GPM6A: variants seen among roughly 807,000 people sequenced by gnomAD.
The protein encoded by GPM6A is glycoprotein M6A, also known as neuronal membrane glycoprotein M6-a.
In GPM6A, 7 loss-of-function variants were observed where a neutral mutation model predicts 32.1. The observed-to-expected ratio is 0.22, with a 90% CI of 0.12 to 0.41. The LOEUF is 0.41. Among genes scored for constraint, GPM6A ranks in the 10% least tolerant of loss-of-function variants. GPM6A has a pLI of 1.00. For synonymous variants in GPM6A, 130 were observed against 123.4 expected, an observed-to-expected ratio of 1.05 and a Z score of -0.35; for missense variants, 235 against 347.2, an observed-to-expected ratio of 0.68 and a Z score of 2.57.
In GPM6A at chr4:175,859,719, G is replaced by C. The variant is rs1222669762; in HGVS notation, c.-22-47470C>G. 2.6e-5 allele frequency among the ~76,000 whole-genome samples: 4 copies of C among 151,990 alleles called. No homozygotes were observed. In the East Asian group the frequency reaches 7.7e-4, roughly 29 times the overall value. Reference sequence around the variant, plus strand: ...CCTGACACCAAGACAGATGTGACAAGAATACAGATGAAGTGCCCTGGGGTT... The same window carrying C: ...CCTGACACCAAGACAGATGTGACAACAATACAGATGAAGTGCCCTGGGGTT... On this transcript the variant is annotated intron_variant, in intron 1 of 7. Transcript: ENST00000280187.
intron 4 of GPM6A, chr4:175,641,546 A>C (rs1231946829): frequency 6.6e-6 from 1 of 152,256 alleles, no homozygotes; most frequent in African/African-American, 2.4e-5. Flanking sequence ...TCATCTGAGC[A>C]TGGCTCTTTA....
chr4:175,862,252 C>T (rs1032573472), intron 1 of GPM6A, among the ~76,000 whole-genome samples: 3 of 152,164 alleles, frequency 2.0e-5, no homozygotes, highest in African/African-American at 7.2e-5. Flanking sequence ...ATGTAAACAG[C>T]ACCCAGATTA....
At chr4:175,945,129 C>T (rs1261677064) in intron 1 of GPM6A, among the ~76,000 whole-genome samples, 2 of 151,880 alleles carry the variant, frequency 1.3e-5, no homozygotes, top group Admixed American at 6.6e-5. Context: ...AAGCCAAGTA[C>T]GTGAGTGTGA....
chr4:175,816,229 G>A, upstream of GPM6A, among the ~76,000 whole-genome samples: 1 of 152,084 alleles, frequency 6.6e-6, no homozygotes, highest in East Asian at 1.9e-4. Context: ...TAACTAGGTG[G>A]TTAAAAATAT....
At chr4:175,920,783 TG>T (rs1391452961) in intron 1 of GPM6A, among the ~76,000 whole-genome samples, 1 of 150,750 alleles carries the variant, frequency 6.6e-6, no homozygotes. Context: ...CGGGAGGCGG[TG>T]GTGGCTCACT....
chr4:175,840,536 T>G (rs1464667149), intron 1 of GPM6A, among the ~76,000 whole-genome samples: 1 of 152,048 alleles, frequency 6.6e-6, no homozygotes, highest in Non-Finnish European at 1.5e-5. Flanking sequence ...AAAAGTAGCC[T>G]TGTGGCGCAG....
chr4:175,871,968 A>G (rs1294821171), intron 1 of GPM6A, among the ~76,000 whole-genome samples: 1 of 152,212 alleles, frequency 6.6e-6, no homozygotes, highest in Non-Finnish European at 1.5e-5. Flanking sequence ...TCCAGAGAAA[A>G]TGTCTGACTC....
chr4:175,820,199 C>T (rs1454898532), intron 1 of GPM6A, among the ~76,000 whole-genome samples: 2 of 152,112 alleles, frequency 1.3e-5, no homozygotes, highest in Non-Finnish European at 2.9e-5. Flanking sequence ...ATTATTCCTT[C>T]TTATTTTCTT....
At chr4:175,701,022 G>T (rs915534377) in intron 2 of GPM6A, among the ~76,000 whole-genome samples, 1 of 152,040 alleles carries the variant, frequency 6.6e-6, no homozygotes, top group Non-Finnish European at 1.5e-5. Context: ...TGAGAGAAAA[G>T]TATAATTGGT....
intron 1 of GPM6A, among the ~76,000 whole-genome samples, chr4:175,809,119 T>A (rs1348098958): frequency 2.0e-5 from 3 of 152,188 alleles, no homozygotes; most frequent in South Asian, 2.1e-4. Flanking sequence ...TCACTCCTAA[T>A]TAGAAACCCA....
chr4:175,846,926 G>A (rs1410477619), intron 1 of GPM6A, among the ~76,000 whole-genome samples: 1 of 151,980 alleles, frequency 6.6e-6, no homozygotes, highest in Non-Finnish European at 1.5e-5. Context: ...TGTCTTACAT[G>A]GCCTCATTTT....
At chr4:175,752,586 A>G (rs1732379474) in intron 1 of GPM6A, among the ~76,000 whole-genome samples, 1 of 152,196 alleles carries the variant, frequency 6.6e-6, no homozygotes. Flanking sequence ...CTACAAGAAG[A>G]CATATTTCCA....
chr4:175,865,888 G>A (rs1228260510), intron 1 of GPM6A, among the ~76,000 whole-genome samples: 1 of 152,052 alleles, frequency 6.6e-6, no homozygotes, highest in Non-Finnish European at 1.5e-5. Flanking sequence ...GTGTGGAACT[G>A]GCGTTACATC....
intron 1 of GPM6A, among the ~76,000 whole-genome samples, chr4:175,722,079 G>A (rs1391486214): frequency 6.6e-6 from 1 of 152,010 alleles, no homozygotes; most frequent in Non-Finnish European, 1.5e-5. Flanking sequence ...TTGAGTCCAG[G>A]AGTTTGAGAC....
intron 6 of GPM6A, 130 bp downstream of exon 6, chr4:175,639,999 C>T (rs9312580): frequency 1.3e-6 from 1 of 793,394 alleles, no homozygotes; most frequent in African/African-American, 1.7e-5. Flanking sequence ...GTTTTCCCTA[C>T]TTTTTTTAAT....
At chr4:175,637,275 T>TATATATA (rs1740729649) in intron 6 of GPM6A, among the ~76,000 whole-genome samples, 1 of 53,272 alleles carries the variant, frequency 1.9e-5, no homozygotes, top group South Asian at 5.4e-4. Flanking sequence ...TATTATATAT[T>TATATATA]ATATATTATA....
At position 175,663,694 on chromosome 4, in the gene GPM6A, A is replaced by ATT. The variant is rs34558330; in HGVS notation, c.387+9984_387+9985dup. Among the ~76,000 whole-genome samples the ATT allele has an allele frequency of 6.2e-4, 87 of 141,410 alleles. 2 individuals are homozygous for ATT. The highest frequency in any genetic ancestry group is 2.8e-3 in the East Asian group (14 of 4,936). 92.8% of individuals were successfully genotyped at this position (141,410 alleles called of 152,430 possible). A position where few individuals can be genotyped will look rare whatever the true frequency, so the allele number is the denominator to read the frequency against. ...CAATCAATCAATTGGTAAAATGTAAATTTTTTTTTTTTTTTTTGAGATGGA... is the reference window on the plus strand; with the variant it reads ...CAATCAATCAATTGGTAAAATGTAAATTTTTTTTTTTTTTTTTTTGAGATGGA... On this transcript the variant is annotated intron_variant, in intron 3 of 6. Coordinates refer to ENST00000393658, the MANE Select transcript of GPM6A (RefSeq NM_201591.3).
intron 4 of GPM6A, among the ~76,000 whole-genome samples, chr4:175,647,513 A>T (rs1741528473): frequency 6.6e-6 from 1 of 152,170 alleles, no homozygotes; most frequent in Non-Finnish European, 1.5e-5. Context: ...TCTGTGTGCC[A>T]TTAGAACTGT....
chr4:175,971,037 T>C (rs1740486861), intron 1 of GPM6A: 2 of 351,632 alleles, frequency 5.7e-6, no homozygotes, highest in South Asian at 4.4e-5. Flanking sequence ...GTTAGGAAAG[T>C]AAAGGATACA....
Sources: gnomAD v4.1 joint callset for allele counts (sites outside exome capture counted in the v4.1 genomes callset) on GRCh38, gnomAD v4.1.1 for gene constraint, MANE v1.5 for transcripts, NCBI Gene and HGNC (gene_info 2026-07-23, HGNC 2026-07-21) for gene names.